The following MED15 variants were observed in gnomAD, a reference collection of about 807,000 sequenced individuals.
MED15 encodes mediator complex subunit 15, also known as mediator of RNA polymerase II transcription subunit 15.
MED15 carries 41 observed loss-of-function variants against 118.7 expected under a neutral mutation model. The observed-to-expected ratio is 0.35, with a 90% CI of 0.27 to 0.45. MED15 has a LOEUF of 0.45. Among genes scored for constraint, MED15 ranks in the 20% least tolerant of loss-of-function variants. MED15 has a pLI of 1.00. For missense variants in MED15, 740 were observed against 1,025.5 expected (o/e 0.72, Z 3.80); for synonymous variants, 436 against 413.9 (o/e 1.05, Z -0.65).
In MED15 at chr22:20,586,887, G is replaced by A; in HGVS notation, c.*183G>A. On this transcript the variant is annotated 3_prime_UTR_variant, in exon 18 of 18. Transcript: ENST00000263205. ...CCTGTACAGAACTGGGATAGGCGCAGTGGAGCGGGTTGCTTGGGGGGCGTT... is the reference window on the plus strand; with the variant it reads ...CCTGTACAGAACTGGGATAGGCGCAATGGAGCGGGTTGCTTGGGGGGCGTT... 1 of 958,146 alleles carries A rather than the reference G, an allele frequency of 1.0e-6. No individual in the cohort carries two copies. Among genetic ancestry groups the A allele is most frequent in the Non-Finnish European group, 1.5e-6 (1 of 671,138 alleles). 59.4% of individuals were successfully genotyped at this position (958,146 alleles called of 1,614,324 possible). A position where few individuals can be genotyped will look rare whatever the true frequency, so the allele number is the denominator to read the frequency against.
Position 20,564,462 on chromosome 22 carries a change from T to G in MED15, c.464T>G (p.Leu155Arg). 1 of 1,613,316 alleles carries G rather than the reference T, an allele frequency of 6.2e-7. No individual in the cohort carries two copies. The highest frequency in any genetic ancestry group is 8.5e-7 in the Non-Finnish European group (1 of 1,179,680). The change falls in exon 6 of 18, where the codon CTC (leucine) becomes CGC (arginine). Residue 155 changes from leucine (L) to arginine (R), a missense_variant. Physicochemically the swap from Leu to Arg is moderately radical, Grantham distance 102 (BLOSUM62 -2). Coordinates refer to ENST00000263205, the MANE Select transcript of MED15 (RefSeq NM_001003891.3). ...STATPQTQLQLQQVALQQQQQ... is the reference protein window; with the variant it reads ...STATPQTQLQRQQVALQQQQQ... ...GGTCTTTTCTCAGCCCAGCTGCAGC[T>G]CCAGCAGGTGGCGCTGCAGCAGCAG...
intron 1 of MED15, among the ~76,000 whole-genome samples, chr22:20,535,872 CTTTTTT>C (rs536712415): frequency 0.56 from 55,425 of 98,572 alleles, 14,105 homozygotes; most frequent in Admixed American, 0.68. Context: ...TTCTTTCTTT[CTTTTTT>C]TTTTTTTTTT....
intron 9 of MED15, among the ~76,000 whole-genome samples, chr22:20,580,054 CTGCTCTTG>C (rs1162275804): frequency 1.3e-5 from 2 of 152,282 alleles, no homozygotes; most frequent in African/African-American, 4.8e-5. Flanking sequence ...GCCTGGCTTT[CTGCTCTTG>C]TGCTCTTGGA....
chr22:20,570,062 G>C (rs1030580992), intron 8 of MED15, among the ~76,000 whole-genome samples: 1 of 152,144 alleles, frequency 6.6e-6, no homozygotes, highest in African/African-American at 2.4e-5. Context: ...GTCTTGCTCT[G>C]TTGCCAGGCT....
intron 1 of MED15, among the ~76,000 whole-genome samples, chr22:20,521,005 G>T (rs990684766): frequency 6.6e-6 from 1 of 151,308 alleles, no homozygotes; most frequent in Non-Finnish European, 1.5e-5. Context: ...CTCCCAGAGT[G>T]CTGGGATTAC....
intron 1 of MED15, among the ~76,000 whole-genome samples, chr22:20,534,516 G>T (rs1169148475): frequency 6.6e-6 from 1 of 151,968 alleles, no homozygotes; most frequent in Non-Finnish European, 1.5e-5. Flanking sequence ...GTGAGACATT[G>T]TCTCAAAAAA....
chr22:20,523,480 C>G (rs75902369), intron 1 of MED15, among the ~76,000 whole-genome samples: 5,513 of 152,228 alleles, frequency 0.036, 304 homozygotes, highest in African/African-American at 0.13. Flanking sequence ...CCCACCCTTC[C>G]TCATCACCTC....
intron 7 of MED15, among the ~76,000 whole-genome samples, chr22:20,567,662 G>T (rs978179680): frequency 6.6e-6 from 1 of 152,102 alleles, no homozygotes; most frequent in African/African-American, 2.4e-5. Flanking sequence ...GCCCTGGCAG[G>T]GTTTGCCCTA....
intron 8 of MED15, among the ~76,000 whole-genome samples, chr22:20,572,906 C>T (rs2056710873): frequency 6.6e-6 from 1 of 151,666 alleles, no homozygotes; most frequent in African/African-American, 2.4e-5. Flanking sequence ...GCCTGGGAGA[C>T]AGAGCAAAAC....
At chr22:20,547,899 T>G (rs2055615214) in intron 2 of MED15, among the ~76,000 whole-genome samples, 1 of 152,122 alleles carries the variant, frequency 6.6e-6, no homozygotes, top group Non-Finnish European at 1.5e-5. Context: ...CTCAGGAGGC[T>G]GAGGTGGGGA....
chr22:20,565,399 G>A (rs1274318639), intron 6 of MED15, among the ~76,000 whole-genome samples: 2 of 152,250 alleles, frequency 1.3e-5, no homozygotes, highest in Non-Finnish European at 2.9e-5. Flanking sequence ...TGTGTCTTGG[G>A]TTCTGGGCTC....
intron 5 of MED15, among the ~76,000 whole-genome samples, chr22:20,558,438 T>C (rs1276922558): frequency 1.3e-5 from 2 of 152,196 alleles, no homozygotes; most frequent in Non-Finnish European, 2.9e-5. Flanking sequence ...CTGCTGGTTG[T>C]TCCTATGGCT....
chr22:20,581,188 T>C (rs1252988245), intron 9 of MED15, among the ~76,000 whole-genome samples: 3 of 152,220 alleles, frequency 2.0e-5, no homozygotes, highest in African/African-American at 4.8e-5. Flanking sequence ...CTTGCAGCAC[T>C]GTCAGGCACA....
intron 10 of MED15, 28 bp downstream of exon 10, chr22:20,582,775 CACCTGGCCCTCGA>C (rs1569251017): frequency 6.3e-7 from 1 of 1,591,866 alleles, no homozygotes. Flanking sequence ...TGCCCCTCCC[CACCTGGCCCTCGA>C]GGCTGGCCCT....
chr22:20,552,651 C>T, intron 3 of MED15: 1 of 334,412 alleles, frequency 3.0e-6, no homozygotes, highest in Non-Finnish European at 6.2e-6. Flanking sequence ...CCGCTGGGCA[C>T]TGGGGTCAGC....
chr22:20,544,448 A>C (rs2055442667), intron 2 of MED15, among the ~76,000 whole-genome samples: 1 of 152,008 alleles, frequency 6.6e-6, no homozygotes, highest in Non-Finnish European at 1.5e-5. Context: ...GGCAGATCAC[A>C]AGATCAGGAG....
chr22:20,543,191 C>CT (rs2055383736), intron 2 of MED15, among the ~76,000 whole-genome samples: 1 of 115,918 alleles, frequency 8.6e-6, no homozygotes, highest in Non-Finnish European at 1.8e-5. Flanking sequence ...TAATTTATCT[C>CT]TTTCATGTTG....
chr22:20,546,638 C>G lies in MED15; in HGVS notation c.157-4798C>G, dbSNP rs2055555005. 1.3e-5 allele frequency among the ~76,000 whole-genome samples: 2 copies of G among 151,998 alleles called. 1 individual carries two copies. The highest frequency in any genetic ancestry group is 3.9e-4 in the East Asian group (2 of 5,190). On this transcript the variant is annotated intron_variant, in intron 2 of 17. Transcript: ENST00000263205. ...ATCTTTCCAGTCTAAGGAGTCCCCC[C>G]AAGGGCCACAGATGGGTTCTCTTTG... is the stretch of plus-strand genomic sequence containing the variant.
chr22:20,555,115 A>G lies in MED15; in HGVS notation c.418A>G (p.Ser140Gly). ...TGGGACCTCGGGGATGGCCCCTCAC[A>G]GCATGGCTGTCGTGTCTACGGCAAC... The part of the protein sequence containing the change: ...PPGTSGMAPH[S>G]MAVVSTATPQ... The change falls in exon 5 of 18, where the codon AGC (serine) becomes GGC (glycine). Residue 140 changes from serine (S) to glycine (G), a missense_variant. Transcript: ENST00000263205. 6.2e-7 allele frequency: 1 copy of G among 1,609,324 alleles called. No individual in the cohort carries two copies. Among genetic ancestry groups the G allele is most frequent in the Non-Finnish European group, 8.5e-7 (1 of 1,178,454 alleles).
Sources: allele counts gnomAD v4.1 joint callset (sites outside exome capture counted in the v4.1 genomes callset), GRCh38; gene constraint gnomAD v4.1.1; transcripts MANE v1.5; gene names NCBI Gene and HGNC (gene_info 2026-07-23, HGNC 2026-07-21).